MAP1S: variants seen among roughly 807,000 people sequenced by gnomAD.
MAP1S encodes microtubule associated protein 1S.
MAP1S carries 27 observed loss-of-function variants against 60.9 expected under a neutral mutation model. That is an observed-to-expected ratio of 0.44 (90% CI 0.33 to 0.61). The LOEUF (loss-of-function observed/expected upper bound fraction) is 0.61. MAP1S is among the 20% of genes least tolerant of loss of function. The probability of loss-of-function intolerance (pLI) is 0.03; values close to 1 mark genes in which losing one functional copy is unlikely to be tolerated. For missense variants in MAP1S, 1,608 were observed against 1,486.6 expected, an observed-to-expected ratio of 1.08 and a Z score of -1.34; for synonymous variants, 826 against 694.2, an observed-to-expected ratio of 1.19 and a Z score of -2.98.
chr19:17,729,428 C>T (rs1783800529), intron 5 of MAP1S, among the ~76,000 whole-genome samples: 1 of 152,178 alleles, frequency 6.6e-6, no homozygotes, highest in Non-Finnish European at 1.5e-5. Flanking sequence ...TGCCTAAGAT[C>T]CAAATTCCCA....
chr19:17,725,193 A>G lies in MAP1S; in HGVS notation c.444+4A>G. On this transcript the variant is annotated splice_donor_region_variant and intron_variant, in intron 4 of 6. Coordinates refer to ENST00000324096, the MANE Select transcript of MAP1S (RefSeq NM_018174.6). This position sits in a 1 kb window ranked among gnomAD's most constrained non-coding sequence, Gnocchi z 4.2. ...CCAGGTCCTGAAGGACAGAGAGGTA[A>G]GCCACCCCTTTGCCATCCCCTGCTT... The G allele has an allele frequency of 6.2e-7, 1 of 1,607,806 alleles. No homozygotes were observed. The highest frequency in any genetic ancestry group is 8.5e-7 in the Non-Finnish European group (1 of 1,176,638).
chr19:17,724,017 CT>C (rs2145972872), intron 2 of MAP1S, 108 bp from the exon 3 acceptor site: 8 of 767,788 alleles, frequency 1.0e-5, no homozygotes, highest in Non-Finnish European at 1.8e-5. Context: ...TGCCGTGCGC[CT>C]GTTAATCTCC....
At chr19:17,728,644 C>T (rs1671305345) in intron 5 of MAP1S, 2 of 153,322 alleles carry the variant, frequency 1.3e-5, no homozygotes, top group Admixed American at 6.5e-5. Context: ...CAACCTCTGA[C>T]TCCCGGGTTC....
intron 1 of MAP1S, chr19:17,720,684 CGAGGAGGTGGAGATG>C (rs1320540404): frequency 4.7e-6 from 3 of 643,660 alleles, no homozygotes; most frequent in Non-Finnish European, 8.0e-6. Context: ...ATAGGAGCAG[CGAGGAGGTGGAGATG>C]GAGGAGGTGG....
In MAP1S at chr19:17,732,110, C is replaced by T. The variant is rs560513071; in HGVS notation, c.2789-1083C>T. Among the ~76,000 whole-genome samples the T allele has an allele frequency of 2.0e-5, 3 of 152,304 alleles. No homozygotes were observed. The South Asian group carries it at 6.2e-4, about 32-fold the overall frequency. ...AAGTGTTCCTTCCTCTTCAGTTCCT[C>T]GGAAAAGTTTGAGAAAGGCTGATGT... On this transcript the variant is annotated intron_variant, in intron 5 of 6. Coordinates refer to ENST00000324096, the MANE Select transcript of MAP1S (RefSeq NM_018174.6).
At chr19:17,728,279 C>T (rs1398112690) in intron 5 of MAP1S, 107 bp downstream of exon 5, 8 of 1,220,476 alleles carry the variant, frequency 6.6e-6, no homozygotes, top group African/African-American at 1.5e-5. Flanking sequence ...AAGAGATGGT[C>T]TCACTCTGTC....
rs1317282045 is a variant in MAP1S at position 17,727,539 on chromosome 19, C to T, written c.2155C>T (p.Leu719Phe). 1.2e-6 allele frequency: 2 copies of T among 1,609,618 alleles called. No homozygotes were observed. Among genetic ancestry groups the T allele is most frequent in the Non-Finnish European group, 8.5e-7 (1 of 1,179,436 alleles). The change falls in exon 5 of 7, where the codon CTC becomes TTC. Residue 719 changes from leucine (L) to phenylalanine (F), a missense_variant. Around this residue, in one of 4 missense-constraint regions of MAP1S, gnomAD observed 1,167 missense variants for 961.4 expected, o/e 1.21. Coordinates refer to ENST00000324096, the MANE Select transcript of MAP1S (RefSeq NM_018174.6). The surrounding 1 kb of genome is among the most constrained non-coding windows in gnomAD (Gnocchi z 4.1). The stretch of plus-strand genomic sequence containing the variant: ...CCCCACCAGTGAGGCTGGGCTGAGC[C>T]TCCCGCTGCGTGGCCCCCGGGCGCG... Reference protein sequence around the residue: ...SAPTSEAGLSLPLRGPRARRS... With the variant: ...SAPTSEAGLSFPLRGPRARRS...
chr19:17,732,099 C>G (rs574468692), intron 5 of MAP1S, among the ~76,000 whole-genome samples: 21 of 152,360 alleles, frequency 1.4e-4, no homozygotes, highest in African/African-American at 4.8e-4. Context: ...GTTCCTTCCT[C>G]TTCAGTTCCT....
At chr19:17,721,319 A>G (rs1170286805) in intron 2 of MAP1S, 1 of 420,318 alleles carries the variant, frequency 2.4e-6, no homozygotes, top group African/African-American at 2.0e-5. Flanking sequence ...TTGATGAGAA[A>G]CTGCTATGAC....
rs1273123389 is a variant in MAP1S, at chr19:17,725,198, C to T, written c.444+9C>T. 1.4e-5 allele frequency: 23 copies of T among 1,603,288 alleles called. No individual in the cohort carries two copies. Among genetic ancestry groups the T allele is most frequent in the Non-Finnish European group, 1.9e-5 (22 of 1,174,504 alleles). ...TCCTGAAGGACAGAGAGGTAAGCCA[C>T]CCCTTTGCCATCCCCTGCTTCCCCA... On this transcript the variant is annotated intron_variant, in intron 4 of 6. Coordinates refer to ENST00000324096, the MANE Select transcript of MAP1S (RefSeq NM_018174.6). This position sits in a 1 kb window ranked among gnomAD's most constrained non-coding sequence, Gnocchi z 4.2.
chr19:17,720,358 TGCGCCAG>T (rs1342584098), intron 1 of MAP1S: 1 of 1,528,746 alleles, frequency 6.5e-7, no homozygotes, highest in South Asian at 1.2e-5. Flanking sequence ...GCACCTGCTA[TGCGCCAG>T]GCCTTTGGGC....
intron 3 of MAP1S, 61 bp from the exon 4 acceptor site, chr19:17,724,988 G>A: frequency 6.2e-7 from 1 of 1,610,812 alleles, no homozygotes; most frequent in Non-Finnish European, 8.5e-7. Context: ...CTACCCCAAA[G>A]AGGACTGCTG....
chr19:17,728,744 T>C (rs1007914128), intron 5 of MAP1S: 1 of 152,140 alleles, frequency 6.6e-6, no homozygotes, highest in Non-Finnish European at 1.5e-5. Context: ...TTAGTAGAGT[T>C]GGGGTTTCAC....
Position 17,727,289 on chromosome 19 carries a change from G to GC in MAP1S, c.1907dup (p.Arg637ThrfsTer6), listed in dbSNP as rs1568293882. ...CTTTGGCCGCCAGCTCAATCCCAAG[G>GC]CCACGCACACCCTCCCCTGAGTCCC... On this transcript the variant is annotated frameshift_variant, in exon 5 of 7. Transcript: ENST00000324096. LOFTEE classifies it high-confidence loss of function. This position sits in a 1 kb window ranked among gnomAD's most constrained non-coding sequence, Gnocchi z 4.1. The GC allele has an allele frequency of 6.3e-7, 1 of 1,588,342 alleles. No homozygotes were observed. The highest frequency in any genetic ancestry group is 1.1e-5 in the South Asian group (1 of 89,256).
chr19:17,730,737 G>A (rs1054331267), intron 5 of MAP1S, among the ~76,000 whole-genome samples: 1 of 152,032 alleles, frequency 6.6e-6, no homozygotes, highest in Non-Finnish European at 1.5e-5. Flanking sequence ...CCCATTCTGT[G>A]AGCTGCCTTT....
chr19:17,720,718 T>C (rs2080362938), intron 1 of MAP1S: 1 of 620,826 alleles, frequency 1.6e-6, no homozygotes, highest in Non-Finnish European at 2.8e-6. Context: ...GGAGGCTTTG[T>C]TGCTGATGAA....
Position 17,727,209 on chromosome 19 carries a change from C to T in MAP1S, c.1825C>T (p.Pro609Ser). The change falls in exon 5 of 7, where the codon CCC becomes TCC. Residue 609 changes from proline (P) to serine (S), a missense_variant. This residue lies in a region of MAP1S where 1,167 missense variants were observed against 961.4 expected (regional missense o/e 1.21). Coordinates refer to ENST00000324096, the MANE Select transcript of MAP1S (RefSeq NM_018174.6). The surrounding 1 kb of genome is among the most constrained non-coding windows in gnomAD (Gnocchi z 4.1). ...GSPASQLVATPSLELGPIPAG... is the reference protein window; with the variant it reads ...GSPASQLVATSSLELGPIPAG... ...TCCGGCCTCCCAGCTGGTGGCCACG[C>T]CCAGCCTGGAGCTGGGGCCGATCCC... 2.5e-6 allele frequency: 4 copies of T among 1,570,706 alleles called. No homozygotes were observed. The highest frequency in any genetic ancestry group is 3.4e-6 in the Non-Finnish European group (4 of 1,162,802).
chr19:17,734,164 G>T (rs992104365), intron 6 of MAP1S, 109 bp from the exon 7 acceptor site: 4 of 853,508 alleles, frequency 4.7e-6, no homozygotes, highest in Non-Finnish European at 7.4e-6. Flanking sequence ...AGCCAGGAGG[G>T]GTCTCAAATG....
intron 1 of MAP1S, chr19:17,720,306 G>A: frequency 6.9e-7 from 1 of 1,456,878 alleles, no homozygotes; most frequent in Non-Finnish European, 9.1e-7. Context: ...AATGGGACAG[G>A]AACACGCACC....
Sources: allele counts gnomAD v4.1 joint callset (sites outside exome capture counted in the v4.1 genomes callset), GRCh38; gene constraint gnomAD v4.1.1; regional missense constraint gnomAD v4.1.1; non-coding constraint Gnocchi (gnomAD v3.1); transcripts MANE v1.5; gene names NCBI Gene and HGNC (gene_info 2026-07-23, HGNC 2026-07-21).